The following EHBP1 variants were observed in gnomAD, a reference collection of about 807,000 sequenced individuals.
EHBP1 encodes the protein EH domain-binding protein 1.
EHBP1 carries 55 observed loss-of-function variants against 144.0 expected under a neutral mutation model. The observed-to-expected ratio is 0.38, with a 90% CI of 0.31 to 0.48. The LOEUF is 0.48. Ranked by LOEUF, EHBP1 falls within the 20% of genes least tolerant of loss-of-function variation. EHBP1 has a pLI of 0.98. For missense variants in EHBP1, 1,200 were observed against 1,364.2 expected (o/e 0.88, Z 1.90); for synonymous variants, 469 against 472.7 (o/e 0.99, Z 0.10).
Position 62,948,642 on chromosome 2 carries a change from A to G in EHBP1, c.1796A>G (p.His599Arg). ...SESEHQTPDD[H>R]LSPSTASPYC... ...AGTGAGCATCAAACTCCTGATGATCACCTTAGTCCAAGCACAGCCTCCCCT... is the reference window on the plus strand; with the variant it reads ...AGTGAGCATCAAACTCCTGATGATCGCCTTAGTCCAAGCACAGCCTCCCCT... The change falls in exon 13 of 23, where the codon CAC becomes CGC. Residue 599 changes from histidine to arginine, a missense_variant. Transcript: ENST00000431489. The G allele has an allele frequency of 6.2e-7, 1 of 1,613,976 alleles. No homozygotes were observed. The highest frequency in any genetic ancestry group is 1.1e-5 in the South Asian group (1 of 91,084).
In EHBP1 at chr2:62,904,342, C is replaced by T. The variant is rs2053636884; in HGVS notation, c.1185+29810C>T. 2.0e-5 allele frequency among the ~76,000 whole-genome samples: 3 copies of T among 152,220 alleles called. No individual in the cohort carries two copies. In the South Asian group the frequency reaches 6.2e-4, roughly 31 times the overall value. On this transcript the variant is annotated intron_variant, in intron 10 of 22. Coordinates refer to ENST00000431489, the MANE Select transcript of EHBP1 (RefSeq NM_001142616.3). Reference sequence around the variant, plus strand: ...TTACAGTTCCCTTTACATGCCTTCTCTTCCATTCCTTTATGGCTGCACCTG... The same window carrying T: ...TTACAGTTCCCTTTACATGCCTTCTTTTCCATTCCTTTATGGCTGCACCTG...
chr2:63,045,593 C>G lies in EHBP1; in HGVS notation c.*93C>G. 4 of 1,061,998 alleles carry G rather than the reference C, an allele frequency of 3.8e-6. No homozygotes were observed. In the South Asian group the frequency reaches 5.8e-5, roughly 15 times the overall value. 65.8% of individuals were successfully genotyped at this position (1,061,998 alleles called of 1,614,324 possible). A position where few individuals can be genotyped will look rare whatever the true frequency, so the allele number is the denominator to read the frequency against. ...CTCATTGTTGATTTAAAACTTTTAA[C>G]ATTTTGTTTGGCTGGATTGTACTAC... On this transcript the variant is annotated 3_prime_UTR_variant, in exon 23 of 23. Coordinates refer to ENST00000431489, the MANE Select transcript of EHBP1 (RefSeq NM_001142616.3). This position sits in a 1 kb window ranked among gnomAD's most constrained non-coding sequence, Gnocchi z 5.7.
At chr2:62,698,650 C>T (rs780109954) in intron 1 of EHBP1, among the ~76,000 whole-genome samples, 62 of 152,126 alleles carry the variant, frequency 4.1e-4, no homozygotes, top group Non-Finnish European at 6.3e-4. Flanking sequence ...AAATATCCAG[C>T]GGCTCTCACA....
At chr2:63,014,662 C>T (rs2060409872) in intron 19 of EHBP1, among the ~76,000 whole-genome samples, 1 of 152,154 alleles carries the variant, frequency 6.6e-6, no homozygotes, top group Admixed American at 6.5e-5. Context: ...AAAACCAAAA[C>T]TGGGTACATT....
intron 5 of EHBP1, among the ~76,000 whole-genome samples, chr2:62,806,266 G>A (rs1414355606): frequency 6.6e-6 from 1 of 152,182 alleles, no homozygotes; most frequent in African/African-American, 2.4e-5. Context: ...TTGCAGGCAT[G>A]AGCCACTGTG....
intron 21 of EHBP1, among the ~76,000 whole-genome samples, chr2:63,039,975 A>AT (rs1451656248): frequency 6.6e-6 from 1 of 152,050 alleles, no homozygotes; most frequent in Non-Finnish European, 1.5e-5. Context: ...TGACTATAAA[A>AT]TTTGTCAAAA....
At chr2:62,712,566 G>A (rs2035252249) in intron 2 of EHBP1, among the ~76,000 whole-genome samples, 1 of 152,152 alleles carries the variant, frequency 6.6e-6, no homozygotes, top group South Asian at 2.1e-4. Flanking sequence ...GACCAGGATT[G>A]GATTTTGTCA....
chr2:63,020,512 AAAG>A (rs2060695429), intron 19 of EHBP1, among the ~76,000 whole-genome samples: 1 of 150,070 alleles, frequency 6.7e-6, no homozygotes, highest in Admixed American at 6.6e-5. Flanking sequence ...CAAAAAAAAA[AAAG>A]AAAGAAAAAA....
chr2:62,875,274 G>C (rs186816910), intron 10 of EHBP1, among the ~76,000 whole-genome samples: 9 of 152,330 alleles, frequency 5.9e-5, no homozygotes, highest in Admixed American at 5.9e-4. Context: ...GAACATCTCA[G>C]GCCCTCGAGC....
chr2:62,756,660 G>A (rs1415295445), intron 3 of EHBP1, among the ~76,000 whole-genome samples: 4 of 151,564 alleles, frequency 2.6e-5, no homozygotes, highest in Non-Finnish European at 2.9e-5. Context: ...TCCCAGCTAC[G>A]CGGGCGCTGA....
chr2:62,819,826 A>G (rs374530218), intron 5 of EHBP1, among the ~76,000 whole-genome samples: 2 of 152,256 alleles, frequency 1.3e-5, no homozygotes, highest in African/African-American at 4.8e-5. Flanking sequence ...AAATGGATAG[A>G]TAAATCGTAG....
intron 5 of EHBP1, among the ~76,000 whole-genome samples, chr2:62,781,631 C>T (rs2042428466): frequency 6.6e-6 from 1 of 152,180 alleles, no homozygotes; most frequent in Non-Finnish European, 1.5e-5. Context: ...GCTGGAGCAG[C>T]TTGAGCAGAG....
intron 19 of EHBP1, among the ~76,000 whole-genome samples, chr2:63,015,280 C>T (rs2060438794): frequency 6.6e-6 from 1 of 152,024 alleles, no homozygotes; most frequent in Admixed American, 6.6e-5. Context: ...GTTAAAAATC[C>T]TGTGTTAATG....
At position 62,852,967 on chromosome 2, in the gene EHBP1, T is replaced by A. The variant is rs144072863; in HGVS notation, c.635-6202T>A. 4.9e-4 allele frequency among the ~76,000 whole-genome samples: 74 copies of A among 152,338 alleles called. 1 individual carries two copies. Among genetic ancestry groups the A allele is most frequent in the African/African-American group, 1.6e-3 (66 of 41,594 alleles). On this transcript the variant is annotated intron_variant, in intron 7 of 22. Coordinates refer to ENST00000431489, the MANE Select transcript of EHBP1 (RefSeq NM_001142616.3). ...TCAAATTGGGATTAAAAAGTTCAAT[T>A]GGTATTAATTGCGTTTACTTTCTGT...
At position 62,897,673 on chromosome 2, in the gene EHBP1, A is replaced by G. The variant is rs143981433; in HGVS notation, c.1185+23141A>G. On this transcript the variant is annotated intron_variant, in intron 10 of 22. Transcript: ENST00000431489. The stretch of plus-strand genomic sequence containing the variant: ...AAAATTGAACTATATTTTTCTTCCA[A>G]ACTTCTTCTCAACATTTCTCTTGCT... Among the ~76,000 whole-genome samples, 78 of 152,198 alleles carry G rather than the reference A, an allele frequency of 5.1e-4. 1 individual carries two copies. Among genetic ancestry groups the G allele is most frequent in the African/African-American group, 1.7e-3 (69 of 41,534 alleles).
At chr2:62,786,279 T>G (rs1269961018) in intron 5 of EHBP1, among the ~76,000 whole-genome samples, 1 of 152,072 alleles carries the variant, frequency 6.6e-6, no homozygotes, top group Non-Finnish European at 1.5e-5. Flanking sequence ...TCTCTTTCAG[T>G]GGGTTAGTGT....
At chr2:62,981,336 C>A (rs2058961288) in intron 15 of EHBP1, among the ~76,000 whole-genome samples, 1 of 152,156 alleles carries the variant, frequency 6.6e-6, no homozygotes, top group South Asian at 2.1e-4. Context: ...ATCTTTGAGT[C>A]ATGGAAAAAC....
At chr2:62,950,951 C>T (rs959547329) in intron 13 of EHBP1, among the ~76,000 whole-genome samples, 15 of 152,194 alleles carry the variant, frequency 9.9e-5, no homozygotes, top group Non-Finnish European at 1.6e-4. Context: ...TCCCAAAGTG[C>T]TGAGATTACA....
chr2:62,959,109 A>G (rs2057867952), intron 14 of EHBP1, among the ~76,000 whole-genome samples: 1 of 152,218 alleles, frequency 6.6e-6, no homozygotes, highest in South Asian at 2.1e-4. Flanking sequence ...GATGCTTCAT[A>G]TAAGTGGAAT....
Sources: allele counts gnomAD v4.1 joint callset (sites outside exome capture counted in the v4.1 genomes callset), GRCh38; gene constraint gnomAD v4.1.1; non-coding constraint Gnocchi (gnomAD v3.1); transcripts MANE v1.5; gene names NCBI Gene and HGNC (gene_info 2026-07-23, HGNC 2026-07-21).